Variants in SPATA17 observed in about 807,000 individuals in gnomAD.
SPATA17 encodes the protein spermatogenesis associated 17.
In SPATA17, 53 loss-of-function variants were observed where a neutral mutation model predicts 62.2. That is an observed-to-expected ratio of 0.85 (90% CI 0.68 to 1.07). The LOEUF (loss-of-function observed/expected upper bound fraction) is 1.07. SPATA17 is among the 50% of genes least tolerant of loss of function. The pLI is 0.00. For synonymous variants in SPATA17, 146 were observed against 146.8 expected (o/e 0.99, Z 0.04); for missense variants, 466 against 425.5 (o/e 1.10, Z -0.84).
intron 1 of SPATA17, among the ~76,000 whole-genome samples, chr1:217,633,301 A>G (rs536445976): frequency 2.0e-5 from 3 of 152,190 alleles, no homozygotes; most frequent in East Asian, 1.9e-4. Flanking sequence ...CTGATTATAT[A>G]TGAGGGATTG....
intron 8 of SPATA17, among the ~76,000 whole-genome samples, chr1:217,786,594 A>G (rs1392443517): frequency 6.6e-6 from 1 of 152,152 alleles, no homozygotes; most frequent in East Asian, 1.9e-4. Context: ...TTGTTTTCTT[A>G]GAGAAAGTGG....
chr1:217,682,418 T>C (rs1671107699), intron 4 of SPATA17, among the ~76,000 whole-genome samples: 1 of 151,784 alleles, frequency 6.6e-6, no homozygotes, highest in South Asian at 2.1e-4. Context: ...AATAAAATTA[T>C]TTGAATGTCA....
At chr1:217,802,908 C>A (rs1380075363) in intron 9 of SPATA17, among the ~76,000 whole-genome samples, 2 of 151,988 alleles carry the variant, frequency 1.3e-5, no homozygotes, top group African/African-American at 2.4e-5. Flanking sequence ...GACAAGGGTG[C>A]CCACTCTTTT....
intron 5 of SPATA17, chr1:217,739,563 G>A (rs6674052): frequency 2.0e-5 from 3 of 151,316 alleles, no homozygotes; most frequent in Non-Finnish European, 4.4e-5. Flanking sequence ...GTACTGCATT[G>A]AAAAAATCTC....
At chr1:217,690,050 G>A (rs1409866515) in intron 5 of SPATA17, among the ~76,000 whole-genome samples, 1 of 151,960 alleles carries the variant, frequency 6.6e-6, no homozygotes, top group Non-Finnish European at 1.5e-5. Context: ...TGACAGGTGT[G>A]CGCCACCACA....
chr1:217,857,912 GT>G (rs1381441332), intron 9 of SPATA17, among the ~76,000 whole-genome samples: 3 of 152,182 alleles, frequency 2.0e-5, no homozygotes, highest in African/African-American at 7.2e-5. Flanking sequence ...ATAAGACCAA[GT>G]TTTGGTTACC....
intron 8 of SPATA17, among the ~76,000 whole-genome samples, chr1:217,785,925 C>G (rs1227349350): frequency 6.6e-6 from 1 of 152,058 alleles, no homozygotes; most frequent in Non-Finnish European, 1.5e-5. Flanking sequence ...TTTAAAGGAA[C>G]TCATTCAATT....
intron 1 of SPATA17, 22 bp from the exon 2 acceptor site, chr1:217,648,860 C>T: frequency 6.6e-7 from 1 of 1,525,670 alleles, no homozygotes; most frequent in Non-Finnish European, 8.9e-7. Flanking sequence ...TAATGAAGTG[C>T]TTTTTAAACA....
chr1:217,699,639 C>T (rs756335581), intron 5 of SPATA17, among the ~76,000 whole-genome samples: 4 of 151,944 alleles, frequency 2.6e-5, no homozygotes, highest in Non-Finnish European at 5.9e-5. Flanking sequence ...AAAATATTTT[C>T]TTTCAATGTG....
At chr1:217,731,823 T>C (rs924359695) in intron 5 of SPATA17, among the ~76,000 whole-genome samples, 1 of 152,152 alleles carries the variant, frequency 6.6e-6, no homozygotes, top group African/African-American at 2.4e-5. Context: ...GTATTTTAGA[T>C]ATAATATTAG....
intron 4 of SPATA17, among the ~76,000 whole-genome samples, chr1:217,679,687 T>TGTAG (rs1253222169): frequency 6.6e-6 from 1 of 152,230 alleles, no homozygotes; most frequent in African/African-American, 2.4e-5. Flanking sequence ...TGGAGATATG[T>TGTAG]GTAGGGTGTC....
intron 9 of SPATA17, among the ~76,000 whole-genome samples, chr1:217,817,487 C>T (rs1018203441): frequency 1.3e-5 from 2 of 151,970 alleles, no homozygotes; most frequent in African/African-American, 4.8e-5. Context: ...GCCTCCCCAG[C>T]CCTGTGGATC....
intron 5 of SPATA17, among the ~76,000 whole-genome samples, chr1:217,736,625 T>C (rs1329430891): frequency 1.3e-5 from 2 of 152,102 alleles, no homozygotes; most frequent in Non-Finnish European, 2.9e-5. Context: ...GACTGAAGCA[T>C]AGTGATCCTG....
Position 217,683,362 on chromosome 1 carries a change from G to A in SPATA17, c.395+1G>A. ...TTTCAGAGACCAATGATGCAATTAG[G>A]TAAGTAGTGCAATCATCCATTCACT... On this transcript the variant is annotated splice_donor_variant, in intron 5 of 10. Transcript: ENST00000366933. LOFTEE classifies it high-confidence loss of function. 1 of 1,573,416 alleles carries A rather than the reference G, an allele frequency of 6.4e-7. No individual in the cohort carries two copies. Among genetic ancestry groups the A allele is most frequent in the Non-Finnish European group, 8.7e-7 (1 of 1,145,292 alleles).
chr1:217,666,934 A>C (rs1417578654), intron 3 of SPATA17, among the ~76,000 whole-genome samples: 1 of 151,438 alleles, frequency 6.6e-6, no homozygotes. Flanking sequence ...GTGCTTTCTC[A>C]CCTCTTAACT....
chr1:217,832,956 A>C (rs1277277094), intron 9 of SPATA17, among the ~76,000 whole-genome samples: 1 of 152,096 alleles, frequency 6.6e-6, no homozygotes, highest in Non-Finnish European at 1.5e-5. Context: ...AGAAAAAAAA[A>C]AAAGTTTACT....
intron 6 of SPATA17, among the ~76,000 whole-genome samples, chr1:217,757,235 G>A (rs976637305): frequency 6.6e-6 from 1 of 152,106 alleles, no homozygotes; most frequent in Admixed American, 6.6e-5. Flanking sequence ...CAGAACCAGT[G>A]GAGAGAAAAA....
intron 8 of SPATA17, among the ~76,000 whole-genome samples, chr1:217,790,246 T>C (rs909163283): frequency 6.6e-6 from 1 of 152,206 alleles, no homozygotes; most frequent in East Asian, 1.9e-4. Context: ...GGACCTATGG[T>C]AAAACGTTAT....
intron 7 of SPATA17, among the ~76,000 whole-genome samples, chr1:217,781,507 G>A (rs1264752478): frequency 2.0e-5 from 3 of 152,130 alleles, no homozygotes; most frequent in Non-Finnish European, 4.4e-5. Flanking sequence ...CTTGAAAGCA[G>A]GATATGTTGT....
Sources: gnomAD v4.1 joint callset for allele counts (sites outside exome capture counted in the v4.1 genomes callset) on GRCh38, gnomAD v4.1.1 for gene constraint, MANE v1.5 for transcripts, NCBI Gene and HGNC (gene_info 2026-07-23, HGNC 2026-07-21) for gene names.